CALN1: variants seen among roughly 807,000 people sequenced by gnomAD.
CALN1 encodes calneuron 1.
A neutral mutation model predicts 30.6 loss-of-function variants in CALN1; 17 were observed. That is an observed-to-expected ratio of 0.56 (90% CI 0.38 to 0.83). The LOEUF is 0.83. CALN1 is among the 40% of genes least tolerant of loss of function. The pLI, the probability that CALN1 is intolerant of heterozygous loss-of-function variation, is 0.00. For synonymous variants in CALN1, 156 were observed against 131.4 expected (o/e 1.19, Z -1.28); for missense variants, 291 against 354.9 (o/e 0.82, Z 1.45).
chr7:72,041,062 T>C (rs1270133997), intron 4 of CALN1, among the ~76,000 whole-genome samples: 2 of 152,166 alleles, frequency 1.3e-5, no homozygotes, highest in Non-Finnish European at 2.9e-5. Flanking sequence ...GCATCTACTG[T>C]ATTATTCTTC....
At chr7:72,324,874 G>A (rs577585236) in intron 2 of CALN1, among the ~76,000 whole-genome samples, 1 of 152,264 alleles carries the variant, frequency 6.6e-6, no homozygotes, top group South Asian at 2.1e-4. Context: ...ATGAGCCACT[G>A]CTCTCAGTCT....
intron 3 of CALN1, among the ~76,000 whole-genome samples, chr7:72,271,575 A>AAAAAAAAATATATATATATATAT: frequency 4.6e-4 from 24 of 52,120 alleles, no homozygotes; most frequent in African/African-American, 1.2e-3. Flanking sequence ...AAAAAAAAAA[A>AAAAAAAAATATATATATATATAT]ATATATATAT....
chr7:72,148,624 G>A (rs1027429672), intron 3 of CALN1, among the ~76,000 whole-genome samples: 2 of 151,816 alleles, frequency 1.3e-5, no homozygotes, highest in Non-Finnish European at 2.9e-5. Flanking sequence ...GAAAAAAGAG[G>A]CTGGGCATGG....
rs137924353 is a variant in CALN1 at position 72,432,344 on chromosome 7, T to C, written c.-226+14698A>G. Among the ~76,000 whole-genome samples, 449 of 152,322 alleles carry C rather than the reference T, an allele frequency of 2.9e-3. 2 individuals are homozygous for C. Among genetic ancestry groups the C allele is most frequent in the African/African-American group, 0.011 (438 of 41,570 alleles). On this transcript the variant is annotated intron_variant, in intron 1 of 6. Transcript: ENST00000395276. Reference sequence around the variant, plus strand: ...TGAGTCCATTAAACCTCTTTTTCTTTATAAATTACCCAGCCTTGGATATGT... The same window carrying C: ...TGAGTCCATTAAACCTCTTTTTCTTCATAAATTACCCAGCCTTGGATATGT...
intron 5 of CALN1, among the ~76,000 whole-genome samples, chr7:72,015,839 T>G (rs1178872201): frequency 6.6e-6 from 1 of 152,142 alleles, no homozygotes. Flanking sequence ...CTTCCCATAT[T>G]CCATTTTTCC....
At chr7:72,425,761 A>G (rs534150193) in intron 1 of CALN1, among the ~76,000 whole-genome samples, 1 of 152,300 alleles carries the variant, frequency 6.6e-6, no homozygotes, top group East Asian at 1.9e-4. Context: ...AGGGGGCTAT[A>G]AAGCTTGCAG....
At position 72,353,270 on chromosome 7, in the gene CALN1, A is replaced by T. The variant is rs1358515520; in HGVS notation, c.119+49981T>A. On this transcript the variant is annotated intron_variant, in intron 2 of 6. Coordinates refer to ENST00000395275, the MANE Select transcript of CALN1 (RefSeq NM_031468.4). ...GAGGCTACTGTCTCTCTGTTATCAA[A>T]ATCAAATACAGGCAATACCAAAACA... Among the ~76,000 whole-genome samples the T allele has an allele frequency of 3.9e-5, 6 of 152,320 alleles. No homozygotes were observed. The South Asian group carries it at 6.2e-4, about 16-fold the overall frequency.
At chr7:71,905,074 A>G in intron 5 of CALN1, among the ~76,000 whole-genome samples, 1 of 151,842 alleles carries the variant, frequency 6.6e-6, no homozygotes. Flanking sequence ...GAGTAGCTGG[A>G]ATTACAGGTG....
At chr7:71,812,674 T>C (rs1257825652) in intron 5 of CALN1, among the ~76,000 whole-genome samples, 1 of 152,098 alleles carries the variant, frequency 6.6e-6, no homozygotes. Context: ...GAAGCAATTG[T>C]TTCTTTTTTT....
intron 3 of CALN1, among the ~76,000 whole-genome samples, chr7:72,192,711 G>A (rs1447322726): frequency 6.7e-6 from 1 of 150,296 alleles, no homozygotes; most frequent in Non-Finnish European, 1.5e-5. Context: ...CATTGTGCAG[G>A]TTACATATGT....
chr7:71,810,275 A>C, intron 6 of CALN1, 61 bp downstream of exon 6: 46 of 1,539,458 alleles, frequency 3.0e-5, no homozygotes, highest in Non-Finnish European at 3.6e-5. Flanking sequence ...TTTTTCATAT[A>C]GAGAGTGTGG....
intron 4 of CALN1, among the ~76,000 whole-genome samples, chr7:72,074,830 G>C (rs1309927289): frequency 1.3e-5 from 2 of 152,214 alleles, no homozygotes; most frequent in Admixed American, 1.3e-4. Flanking sequence ...TGTCTACCAT[G>C]TGTAGGACAT....
intron 2 of CALN1, among the ~76,000 whole-genome samples, chr7:72,374,281 C>G (rs1310936982): frequency 6.6e-6 from 1 of 152,166 alleles, no homozygotes; most frequent in Non-Finnish European, 1.5e-5. Flanking sequence ...ATAATCCCAG[C>G]ACTTTGGGAG....
At chr7:72,496,076 A>C in the CALN1 span, among the ~76,000 whole-genome samples, 1 of 152,270 alleles carries the variant, frequency 6.6e-6, no homozygotes, top group Non-Finnish European at 1.5e-5. Context: ...ATGCATCACC[A>C]TGCCCAGCTA....
intron 4 of CALN1, among the ~76,000 whole-genome samples, chr7:72,053,550 T>TCCC (rs1259478151): frequency 6.6e-6 from 1 of 152,138 alleles, no homozygotes; most frequent in African/African-American, 2.4e-5. Flanking sequence ...TTCCCTTTAC[T>TCCC]CCCCAACCTT....
chr7:72,387,714 G>A (rs148217196), intron 2 of CALN1, among the ~76,000 whole-genome samples: 19 of 152,272 alleles, frequency 1.2e-4, no homozygotes, highest in African/African-American at 4.3e-4. Context: ...TCGAAAATAA[G>A]AAAAGTCTGA....
intron 2 of CALN1, among the ~76,000 whole-genome samples, chr7:72,321,154 G>A (rs113623825): frequency 2.0e-5 from 3 of 149,986 alleles, no homozygotes; most frequent in African/African-American, 4.9e-5. Context: ...GATCTTCTAG[G>A]ACATAATGCA....
intron 3 of CALN1, among the ~76,000 whole-genome samples, chr7:72,204,657 T>C (rs925516001): frequency 6.6e-6 from 1 of 152,156 alleles, no homozygotes; most frequent in Non-Finnish European, 1.5e-5. Context: ...CTCATGAGCA[T>C]AATGGGAATC....
chr7:71,813,083 G>A (rs1256532056), intron 5 of CALN1, among the ~76,000 whole-genome samples: 1 of 151,672 alleles, frequency 6.6e-6, no homozygotes, highest in Admixed American at 6.6e-5. Flanking sequence ...CAAGAAGCTG[G>A]GATTACAGGC....
Sources: allele counts gnomAD v4.1 joint callset (sites outside exome capture counted in the v4.1 genomes callset), GRCh38; gene constraint gnomAD v4.1.1; transcripts MANE v1.5; gene names NCBI Gene and HGNC (gene_info 2026-07-23, HGNC 2026-07-21).